FAM135B: variants seen among roughly 807,000 people sequenced by gnomAD.
FAM135B encodes the protein family with sequence similarity 135 member B.
In FAM135B, 43 loss-of-function variants were observed where a neutral mutation model predicts 127.7. That is an observed-to-expected ratio of 0.34 (90% CI 0.26 to 0.43). The LOEUF is 0.43. Ranked by LOEUF, FAM135B falls within the 20% of genes least tolerant of loss-of-function variation. The probability of loss-of-function intolerance (pLI) is 1.00; values close to 1 mark genes in which losing one functional copy is unlikely to be tolerated. For synonymous variants in FAM135B, 670 were observed against 665.1 expected (o/e 1.01, Z -0.11); for missense variants, 1,558 against 1,725.6 (o/e 0.90, Z 1.72).
chr8:138,268,942 G>A (rs919490946), intron 3 of FAM135B, among the ~76,000 whole-genome samples: 18 of 151,970 alleles, frequency 1.2e-4, no homozygotes, highest in African/African-American at 4.4e-4. Flanking sequence ...ACTTTAAGGG[G>A]AAAAAAGAGA....
intron 2 of FAM135B, among the ~76,000 whole-genome samples, chr8:138,350,404 A>G (rs1829698978): frequency 6.6e-6 from 1 of 152,126 alleles, no homozygotes; most frequent in Non-Finnish European, 1.5e-5. Context: ...AATCCTTTTG[A>G]TGCATGAAAG....
chr8:138,397,767 C>T (rs1177602037), intron 1 of FAM135B, among the ~76,000 whole-genome samples: 3 of 152,146 alleles, frequency 2.0e-5, no homozygotes, highest in Non-Finnish European at 2.9e-5. Flanking sequence ...TCAGAGCTCC[C>T]GTCCCTAGAA....
At chr8:138,454,756 G>T (rs1430916232) in intron 1 of FAM135B, among the ~76,000 whole-genome samples, 1 of 152,174 alleles carries the variant, frequency 6.6e-6, no homozygotes. Flanking sequence ...CTTATAATCG[G>T]AAGGAATGGA....
intron 12 of FAM135B, among the ~76,000 whole-genome samples, chr8:138,153,578 A>C (rs1352943553): frequency 6.6e-6 from 1 of 152,006 alleles, no homozygotes; most frequent in African/African-American, 2.4e-5. Flanking sequence ...AAATCAGGAC[A>C]CTCCCACCCT....
chr8:138,253,532 A>G (rs1010194507), intron 5 of FAM135B, among the ~76,000 whole-genome samples: 12 of 152,064 alleles, frequency 7.9e-5, no homozygotes, highest in African/African-American at 2.9e-4. Flanking sequence ...CATCCCTGGG[A>G]CTTGTTCTAA....
At chr8:138,349,551 T>A (rs1829643449) in intron 2 of FAM135B, among the ~76,000 whole-genome samples, 2 of 152,352 alleles carry the variant, frequency 1.3e-5, no homozygotes, top group South Asian at 4.1e-4. Context: ...TCTTTCTTTT[T>A]CACTTTTTCT....
chr8:138,245,517 G>A (rs558673916), intron 6 of FAM135B, among the ~76,000 whole-genome samples: 137 of 152,182 alleles, frequency 9.0e-4, no homozygotes, highest in African/African-American at 3.0e-3. Context: ...CCTTGCTGCC[G>A]CCATGTGCAG....
rs60918986 is a variant in FAM135B, at chr8:138,414,119, C to CATATATAT, written c.-19-46125_-19-46118dup. On this transcript the variant is annotated intron_variant, in intron 1 of 19. Coordinates refer to ENST00000395297, the MANE Select transcript of FAM135B (RefSeq NM_015912.4). Reference sequence around the variant, plus strand: ...AAGTTCCCCTGTTCACACACAAATACATATATATATATATATATATGCACA... The same window carrying CATATATAT: ...AAGTTCCCCTGTTCACACACAAATACATATATATATATATATATATATATATATGCACA... Among the ~76,000 whole-genome samples the CATATATAT allele has an allele frequency of 4.8e-3, 597 of 124,668 alleles. 15 individuals are homozygous for CATATATAT. The highest frequency in any genetic ancestry group is 0.045 in the South Asian group (178 of 3,944). The allele number at this position is 124,668 out of a possible 152,430, so 81.8% of individuals were successfully genotyped here. A position where few individuals can be genotyped will look rare whatever the true frequency, so the allele number is the denominator to read the frequency against.
chr8:138,403,636 T>A (rs1311995075), intron 1 of FAM135B, among the ~76,000 whole-genome samples: 1 of 152,160 alleles, frequency 6.6e-6, no homozygotes, highest in Non-Finnish European at 1.5e-5. Flanking sequence ...CCAATACCAA[T>A]GGAGAGTGGG....
chr8:138,177,351 T>C lies in FAM135B; in HGVS notation c.1099A>G (p.Asn367Asp). 3 of 1,613,506 alleles carry C rather than the reference T, an allele frequency of 1.9e-6. No individual in the cohort carries two copies. Among genetic ancestry groups the C allele is most frequent in the Non-Finnish European group, 2.5e-6 (3 of 1,179,658 alleles). ...GGGCATGCAATGGATACTTACAGAT[T>C]CTCCTGAAATGTCAGGACTGCAAGT... ...QKLAVLTFQENLIQTHSQLSL... is the reference protein window; with the variant it reads ...QKLAVLTFQEDLIQTHSQLSL... Residue 367 changes from asparagine (N) to aspartate (D), a missense_variant, in exon 11 of 20, where the codon AAT becomes GAT. By Grantham distance (23) the Asn-to-Asp change is conservative (BLOSUM62 1). Around this residue, in one of 5 missense-constraint regions of FAM135B, gnomAD observed 115 missense variants for 171.1 expected, o/e 0.67. Transcript: ENST00000395297.
At chr8:138,247,271 G>T (rs1821363456) in intron 6 of FAM135B, among the ~76,000 whole-genome samples, 1 of 152,148 alleles carries the variant, frequency 6.6e-6, no homozygotes, top group Non-Finnish European at 1.5e-5. Context: ...GGAATGATAT[G>T]GTTTGGCTAT....
chr8:138,487,399 A>T (rs1018147817), intron 1 of FAM135B, among the ~76,000 whole-genome samples: 1 of 152,118 alleles, frequency 6.6e-6, no homozygotes, highest in Non-Finnish European at 1.5e-5. Flanking sequence ...TCAGATGCTC[A>T]AAGTGATCCG....
At chr8:138,473,394 C>T (rs942064383) in intron 1 of FAM135B, among the ~76,000 whole-genome samples, 3 of 152,116 alleles carry the variant, frequency 2.0e-5, no homozygotes, top group Admixed American at 6.6e-5. Context: ...TTACACAACC[C>T]TCCTGTATAA....
chr8:138,442,267 T>TATATACAC (rs1554694339), intron 1 of FAM135B, among the ~76,000 whole-genome samples: 4 of 86,762 alleles, frequency 4.6e-5, no homozygotes, highest in African/African-American at 1.8e-4. Context: ...TATATATATA[T>TATATACAC]ATATATATAT....
intron 9 of FAM135B, among the ~76,000 whole-genome samples, chr8:138,192,235 C>G (rs1046074228): frequency 6.6e-6 from 1 of 152,216 alleles, no homozygotes; most frequent in African/African-American, 2.4e-5. Context: ...TGAAAGAGAC[C>G]TGAACTAACC....
chr8:138,191,211 A>G (rs1816092095), intron 9 of FAM135B, among the ~76,000 whole-genome samples: 1 of 152,172 alleles, frequency 6.6e-6, no homozygotes, highest in Admixed American at 6.5e-5. Context: ...CTGTGACCCC[A>G]CTTCATTCTC....
At chr8:138,383,860 C>A (rs561141585) in intron 1 of FAM135B, among the ~76,000 whole-genome samples, 5 of 152,184 alleles carry the variant, frequency 3.3e-5, no homozygotes, top group Non-Finnish European at 5.9e-5. Flanking sequence ...AAGGAGACCA[C>A]GCCCATCCTC....
chr8:138,443,424 T>C (rs1835925154), intron 1 of FAM135B, among the ~76,000 whole-genome samples: 1 of 152,164 alleles, frequency 6.6e-6, no homozygotes, highest in Non-Finnish European at 1.5e-5. Context: ...CTTAAATACC[T>C]GGGTCTTTCA....
intron 7 of FAM135B, among the ~76,000 whole-genome samples, chr8:138,205,342 T>G (rs909717878): frequency 7.9e-5 from 12 of 152,202 alleles, no homozygotes; most frequent in African/African-American, 2.2e-4. Flanking sequence ...GCCCCCAGAC[T>G]TTTTCATCTC....
Sources: gnomAD v4.1 joint callset for allele counts (sites outside exome capture counted in the v4.1 genomes callset) on GRCh38, gnomAD v4.1.1 for gene constraint, gnomAD v4.1.1 regional missense constraint, MANE v1.5 for transcripts, NCBI Gene and HGNC (gene_info 2026-07-23, HGNC 2026-07-21) for gene names.